The following RBFOX1 variants were observed in gnomAD, a reference collection of about 807,000 sequenced individuals.
RBFOX1 encodes the protein RNA binding protein fox-1 homolog 1.
In RBFOX1, 8 loss-of-function variants were observed where a neutral mutation model predicts 57.7. The ratio of observed to expected loss-of-function variants is 0.14; its 90% CI spans 0.08 to 0.25. RBFOX1 has a LOEUF of 0.25. RBFOX1 is among the 10% of genes least tolerant of loss of function. RBFOX1 has a pLI of 1.00. For missense variants in RBFOX1, 611 were observed against 548.5 expected (o/e 1.11, Z -1.14); for synonymous variants, 326 against 222.4 (o/e 1.47, Z -4.15).
At chr16:6,146,444 C>T (rs1198933281) in intron 1 of RBFOX1, among the ~76,000 whole-genome samples, 7 of 152,082 alleles carry the variant, frequency 4.6e-5, no homozygotes, top group African/African-American at 1.7e-4. Context: ...TGGGAGCTGT[C>T]CTGTACATTG....
At chr16:6,773,285 G>C (rs1270794717) in intron 3 of RBFOX1, among the ~76,000 whole-genome samples, 1 of 145,514 alleles carries the variant, frequency 6.9e-6, no homozygotes. Context: ...GTAAGTGTAT[G>C]TGTGGGTGTG....
intron 4 of RBFOX1, among the ~76,000 whole-genome samples, chr16:7,204,688 C>G (rs1162281436): frequency 1.3e-5 from 2 of 152,134 alleles, no homozygotes; most frequent in Non-Finnish European, 1.5e-5. Flanking sequence ...TCTAAGACAT[C>G]AGGGATTATT....
chr16:5,945,889 G>A (rs544933252), intron 4 of RBFOX1, among the ~76,000 whole-genome samples: 43 of 152,280 alleles, frequency 2.8e-4, no homozygotes, highest in Non-Finnish European at 5.3e-4. Flanking sequence ...CTCCCACAGG[G>A]TGTCTGACAC....
chr16:6,357,969 A>G (rs1453954163), intron 2 of RBFOX1, among the ~76,000 whole-genome samples: 1 of 151,622 alleles, frequency 6.6e-6, no homozygotes, highest in Non-Finnish European at 1.5e-5. Flanking sequence ...AAAAGAAAAA[A>G]AAAAAAAAAG....
chr16:6,015,524 C>G (rs1278435284), upstream of RBFOX1, among the ~76,000 whole-genome samples: 2 of 152,188 alleles, frequency 1.3e-5, no homozygotes, highest in Non-Finnish European at 1.5e-5. Context: ...TGGGCCTTCC[C>G]TAGCCCATAT....
chr16:5,672,648 C>T (rs936676340), intron 3 of RBFOX1, among the ~76,000 whole-genome samples: 21 of 152,214 alleles, frequency 1.4e-4, no homozygotes, highest in African/African-American at 4.8e-4. Context: ...GAGATGAAGA[C>T]TCATCCATCT....
At position 7,255,831 on chromosome 16, in the gene RBFOX1, T is replaced by G. The variant is rs1173890756; in HGVS notation, c.27+203733T>G. Among the ~76,000 whole-genome samples the G allele has an allele frequency of 2.6e-5, 4 of 152,238 alleles. No individual in the cohort carries two copies. The East Asian group carries it at 7.7e-4, about 29-fold the overall frequency. ...AAATCTTCAATGTACATTTTTATAC[T>G]GACAGCACGTCTCATTTCAGATCAG... On this transcript the variant is annotated intron_variant, in intron 4 of 15. Coordinates refer to ENST00000550418, the MANE Select transcript of RBFOX1 (RefSeq NM_018723.4).
chr16:6,712,919 T>G (rs2063994053), intron 3 of RBFOX1, among the ~76,000 whole-genome samples: 1 of 109,334 alleles, frequency 9.1e-6, no homozygotes, highest in Non-Finnish European at 2.4e-5. Flanking sequence ...CCTGTGCTGT[T>G]CTCATGATAG....
intron 2 of RBFOX1, among the ~76,000 whole-genome samples, chr16:6,416,453 C>T (rs769548802): frequency 3.1e-4 from 47 of 152,192 alleles, no homozygotes; most frequent in Admixed American, 1.3e-4. Flanking sequence ...TTCCTTCCCT[C>T]CCTGCCTCCT....
intron 2 of RBFOX1, among the ~76,000 whole-genome samples, chr16:5,565,907 T>C (rs1381354825): frequency 6.6e-6 from 1 of 152,036 alleles, no homozygotes; most frequent in East Asian, 1.9e-4. Context: ...TCCCATGTGT[T>C]GTGGGAGGGA....
chr16:6,664,432 A>G (rs2098719562), intron 3 of RBFOX1, among the ~76,000 whole-genome samples: 1 of 152,204 alleles, frequency 6.6e-6, no homozygotes, highest in Admixed American at 6.5e-5. Context: ...ATCTAGCGTC[A>G]GCAAATCATC....
At chr16:6,251,750 C>A (rs1310312470) in intron 1 of RBFOX1, among the ~76,000 whole-genome samples, 1 of 152,078 alleles carries the variant, frequency 6.6e-6, no homozygotes, top group Non-Finnish European at 1.5e-5. Context: ...CTGATGCTTC[C>A]TCTTCATGCT....
chr16:5,899,402 G>A (rs2058251983), intron 4 of RBFOX1, among the ~76,000 whole-genome samples: 1 of 152,070 alleles, frequency 6.6e-6, no homozygotes, highest in African/African-American at 2.4e-5. Context: ...TCTCTGAGGT[G>A]GTGACAAGCT....
intron 1 of RBFOX1, among the ~76,000 whole-genome samples, chr16:5,382,348 A>G (rs1440134982): frequency 2.6e-5 from 4 of 151,466 alleles, no homozygotes; most frequent in African/African-American, 9.7e-5. Flanking sequence ...ATTATGTATT[A>G]CCACTTGTTT....
intron 1 of RBFOX1, among the ~76,000 whole-genome samples, chr16:5,272,232 TA>T (rs1244993628): frequency 1.3e-5 from 2 of 152,254 alleles, no homozygotes; most frequent in Non-Finnish European, 2.9e-5. Flanking sequence ...TGTCTCATCC[TA>T]AAAATTTTCA....
chr16:6,187,940 G>T (rs1475566580), intron 1 of RBFOX1, among the ~76,000 whole-genome samples: 1 of 152,166 alleles, frequency 6.6e-6, no homozygotes, highest in Admixed American at 6.5e-5. Flanking sequence ...GTGTGCACAT[G>T]AATGTGTGTA....
chr16:5,453,523 G>A (rs1400614254), intron 1 of RBFOX1, among the ~76,000 whole-genome samples: 4 of 152,144 alleles, frequency 2.6e-5, no homozygotes, highest in Non-Finnish European at 5.9e-5. Context: ...TCTGGTGTAA[G>A]GAAATGACCC....
At chr16:7,069,458 TG>T (rs1348941451) in intron 4 of RBFOX1, among the ~76,000 whole-genome samples, 1 of 152,216 alleles carries the variant, frequency 6.6e-6, no homozygotes, top group African/African-American at 2.4e-5. Context: ...TTCAGTTTTC[TG>T]TTCCTGTTTT....
rs536839459 is a variant in RBFOX1 at position 5,722,057 on chromosome 16, C to T, written c.318+123096C>T. 5.3e-4 allele frequency among the ~76,000 whole-genome samples: 80 copies of T among 152,258 alleles called. No homozygotes were observed. The South Asian group carries it at 0.015, about 28-fold the overall frequency. On this transcript the variant is annotated intron_variant, in intron 3 of 19. Coordinates refer to the RBFOX1 transcript ENST00000641259. ...TCCTCATGTGGTAGAATCATAAATCCGAAGTATTGAACTCTGTTAGCCAAG... is the reference window on the plus strand; with the variant it reads ...TCCTCATGTGGTAGAATCATAAATCTGAAGTATTGAACTCTGTTAGCCAAG...
Sources: gnomAD v4.1 joint callset for allele counts (sites outside exome capture counted in the v4.1 genomes callset) on GRCh38, gnomAD v4.1.1 for gene constraint, MANE v1.5 for transcripts, NCBI Gene and HGNC (gene_info 2026-07-23, HGNC 2026-07-21) for gene names.